HSF2BP: variants seen among roughly 807,000 people sequenced by gnomAD.
HSF2BP encodes heat shock transcription factor 2 binding protein.
A neutral mutation model predicts 35.0 loss-of-function variants in HSF2BP; 35 were observed. The observed-to-expected ratio is 1.00, with a 90% confidence interval of 0.76 to 1.32. The LOEUF is 1.32. Ranked by LOEUF, HSF2BP falls within the 40% of genes most tolerant of loss-of-function variation. The probability of loss-of-function intolerance (pLI) is 0.00; values close to 1 mark genes in which losing one functional copy is unlikely to be tolerated. For missense variants in HSF2BP, 326 were observed against 321.7 expected (o/e 1.01, Z -0.10); for synonymous variants, 114 against 117.4 (o/e 0.97, Z 0.18).
At chr21:43,501,702 C>T in the HSF2BP span, among the ~76,000 whole-genome samples, 2 of 3,056 alleles carry the variant, frequency 6.5e-4, no homozygotes, top group Admixed American at 2.3e-3. Context: ...TGAGCCACCG[C>T]GCCCAGCTGT....
chr21:43,625,972 T>C (rs2082384983), intron 6 of HSF2BP, among the ~76,000 whole-genome samples: 1 of 152,214 alleles, frequency 6.6e-6, no homozygotes, highest in Non-Finnish European at 1.5e-5. Context: ...TCATACGCCT[T>C]TGGGGTCACT....
chr21:43,643,386 G>A (rs1359046665), intron 4 of HSF2BP, among the ~76,000 whole-genome samples: 1 of 152,130 alleles, frequency 6.6e-6, no homozygotes, highest in Non-Finnish European at 1.5e-5. Context: ...TGGGTCATGG[G>A]AGTGGATTCC....
At chr21:43,600,219 C>T (rs2082035616) in intron 7 of HSF2BP, among the ~76,000 whole-genome samples, 1 of 152,196 alleles carries the variant, frequency 6.6e-6, no homozygotes, top group Non-Finnish European at 1.5e-5. Flanking sequence ...AAAGTGACAA[C>T]TTGACCACCT....
chr21:43,578,420 A>T (rs932893118), intron 8 of HSF2BP, among the ~76,000 whole-genome samples: 6 of 151,998 alleles, frequency 3.9e-5, no homozygotes, highest in African/African-American at 1.5e-4. Context: ...CCTGAGTCAT[A>T]TGATCCACGA....
chr21:43,649,242 G>GT lies in HSF2BP; in HGVS notation c.188-4851dup, dbSNP rs201486961. On this transcript the variant is annotated intron_variant, in intron 3 of 8. Coordinates refer to ENST00000291560, the MANE Select transcript of HSF2BP (RefSeq NM_007031.2). The stretch of plus-strand genomic sequence containing the variant: ...CCTTTTGTTTGTTTTTCAGTTTGGG[G>GT]TTTTTTTTATTTTTTTGAAAAAAAA... Among the ~76,000 whole-genome samples, 384 of 151,316 alleles carry GT rather than the reference G, an allele frequency of 2.5e-3. 1 individual carries two copies. Among genetic ancestry groups the GT allele is most frequent in the African/African-American group, 8.3e-3 (342 of 41,178 alleles).
rs2082439276 is a variant in HSF2BP, at chr21:43,630,340, G to C, written c.556C>G (p.Leu186Val). ...DSDESQFVFALAGIVTNVAAI... is the reference protein window; with the variant it reads ...DSDESQFVFAVAGIVTNVAAI... ...CACTTACTCGTGACAATTCCAGCCA[G>C]AGCGAAAACAAACTGACTTTCATCC... Residue 186 changes from leucine (L) to valine (V), a missense_variant, in exon 6 of 9, where the codon CTG becomes GTG. Coordinates refer to ENST00000291560, the MANE Select transcript of HSF2BP (RefSeq NM_007031.2). 6.2e-7 allele frequency: 1 copy of C among 1,612,164 alleles called. No individual in the cohort carries two copies. Among genetic ancestry groups the C allele is most frequent in the Non-Finnish European group, 8.5e-7 (1 of 1,179,422 alleles).
intron 7 of HSF2BP, among the ~76,000 whole-genome samples, chr21:43,596,387 TACAC>T (rs112009393): frequency 3.2e-4 from 47 of 147,404 alleles, no homozygotes; most frequent in South Asian, 2.2e-3. Flanking sequence ...GCTAGTGAAA[TACAC>T]ACACACACAC....
intron 6 of HSF2BP, among the ~76,000 whole-genome samples, chr21:43,618,818 T>C (rs114189251): frequency 0.044 from 6,627 of 149,652 alleles, 265 homozygotes; most frequent in East Asian, 0.092. Context: ...CGGTGGCAGG[T>C]GCCTTAGTCC....
At chr21:43,632,953 A>G (rs1327591359) in intron 5 of HSF2BP, among the ~76,000 whole-genome samples, 2 of 152,156 alleles carry the variant, frequency 1.3e-5, no homozygotes, top group Non-Finnish European at 2.9e-5. Context: ...ACAATATTCA[A>G]TAAATACTAT....
At chr21:43,658,855 C>T (rs2082920620) in intron 1 of HSF2BP, among the ~76,000 whole-genome samples, 1 of 152,182 alleles carries the variant, frequency 6.6e-6, no homozygotes, top group Admixed American at 6.5e-5. Flanking sequence ...AAGGCGAGCC[C>T]TCCACCCGCT....
At chr21:43,581,602 A>C (rs2081733107) in intron 8 of HSF2BP, among the ~76,000 whole-genome samples, 1 of 152,142 alleles carries the variant, frequency 6.6e-6, no homozygotes, top group Non-Finnish European at 1.5e-5. Context: ...GGCCAGGAAC[A>C]CGGCCACAGG....
chr21:43,573,071 G>A (rs925655247), intron 8 of HSF2BP, among the ~76,000 whole-genome samples: 1 of 152,208 alleles, frequency 6.6e-6, no homozygotes, highest in Non-Finnish European at 1.5e-5. Flanking sequence ...GCCCATGAGT[G>A]AGTGAATGAA....
intron 2 of HSF2BP, among the ~76,000 whole-genome samples, chr21:43,657,216 A>G (rs1035298238): frequency 6.6e-6 from 1 of 152,180 alleles, no homozygotes; most frequent in Admixed American, 6.5e-5. Flanking sequence ...CTAAAAATAC[A>G]AAAATTAGCC....
chr21:43,603,830 G>GA (rs1167724445), intron 7 of HSF2BP, among the ~76,000 whole-genome samples: 2 of 152,102 alleles, frequency 1.3e-5, no homozygotes, highest in African/African-American at 4.8e-5. Context: ...CTATGCCACT[G>GA]AAAAAACTCA....
intron 2 of HSF2BP, 81 bp downstream of exon 2, chr21:43,657,980 G>A (rs1000617930): frequency 2.6e-6 from 4 of 1,529,690 alleles, no homozygotes; most frequent in South Asian, 1.2e-5. Context: ...AGCCGTCTCC[G>A]AGCGCACGGG....
At chr21:43,650,663 A>ACAAGT (rs1167712451) in intron 3 of HSF2BP, among the ~76,000 whole-genome samples, 4 of 151,580 alleles carry the variant, frequency 2.6e-5, no homozygotes, top group Non-Finnish European at 5.9e-5. Context: ...CACTACCTTA[A>ACAAGT]CAAGTCAAAT....
At chr21:43,626,806 G>A (rs1323458016) in intron 6 of HSF2BP, among the ~76,000 whole-genome samples, 2 of 151,994 alleles carry the variant, frequency 1.3e-5, no homozygotes, top group South Asian at 2.1e-4. Context: ...CCATTTCACT[G>A]ACTTCAGAAC....
At chr21:43,499,812 GCA>G in the HSF2BP span, among the ~76,000 whole-genome samples, 60 of 120,782 alleles carry the variant, frequency 5.0e-4, 1 homozygote, top group African/African-American at 1.7e-3. Flanking sequence ...CACCACACAT[GCA>G]CACTCACACC....
chr21:43,616,580 C>T (rs975690721), intron 6 of HSF2BP, among the ~76,000 whole-genome samples: 1 of 151,948 alleles, frequency 6.6e-6, no homozygotes, highest in Non-Finnish European at 1.5e-5. Flanking sequence ...GAGGTGGATG[C>T]TGCAGTAAGC....
Sources: allele counts gnomAD v4.1 joint callset (sites outside exome capture counted in the v4.1 genomes callset), GRCh38; gene constraint gnomAD v4.1.1; transcripts MANE v1.5; gene names NCBI Gene and HGNC (gene_info 2026-07-23, HGNC 2026-07-21).